Variants in ATP13A5 observed in about 807,000 individuals in gnomAD.
ATP13A5 encodes ATPase 13A5.
In ATP13A5, 149 loss-of-function variants were observed where a neutral mutation model predicts 150.2. The ratio of observed to expected loss-of-function variants is 0.99; its 90% CI spans 0.87 to 1.14. The LOEUF (loss-of-function observed/expected upper bound fraction) is 1.14, where lower values mean the gene tolerates loss of function less well. ATP13A5 is among the 50% of genes most tolerant of loss of function. ATP13A5 has a pLI of 0.00. For missense variants in ATP13A5, 1,383 were observed against 1,449.3 expected (o/e 0.95, Z 0.74); for synonymous variants, 497 against 522.2 (o/e 0.95, Z 0.66).
Position 193,324,928 on chromosome 3 carries a change from A to T in ATP13A5, c.1610T>A (p.Ile537Asn), listed in dbSNP as rs1400723677. Residue 537 changes from isoleucine (I) to asparagine (N), a missense_variant, in exon 14 of 30, where the codon ATC (isoleucine) becomes AAC (asparagine). By Grantham distance (149) the Ile-to-Asn change is moderately radical (BLOSUM62 -3). Around this residue, in one of 3 missense-constraint regions of ATP13A5, gnomAD observed 787 missense variants for 771.9 expected, o/e 1.02. Transcript: ENST00000342358. ...TCCCTGGATGGTCCCATTGAGAAGG[A>T]TCAGAGAGTGGCAGCTGGCCATGGC... is the stretch of plus-strand genomic sequence containing the variant. ...CAAMASCHSL[I>N]LLNGTIQGDP... is the part of the protein sequence containing the mutation. 2.5e-6 allele frequency: 4 copies of T among 1,614,154 alleles called. No individual in the cohort carries two copies. Among genetic ancestry groups the T allele is most frequent in the South Asian group, 1.1e-5 (1 of 91,082 alleles).
At chr3:193,357,151 G>T (rs940402207) in intron 5 of ATP13A5, among the ~76,000 whole-genome samples, 5 of 152,152 alleles carry the variant, frequency 3.3e-5, no homozygotes, top group African/African-American at 1.2e-4. Context: ...TAAAAATCTA[G>T]CACTAGGGGC....
At chr3:193,339,307 G>T (rs900797473) in intron 9 of ATP13A5, among the ~76,000 whole-genome samples, 1 of 152,068 alleles carries the variant, frequency 6.6e-6, no homozygotes, top group African/African-American at 2.4e-5. Context: ...TGCTTCTGTA[G>T]TTCTTTTAAT....
At chr3:193,279,839 G>A (rs1717400431) in intron 27 of ATP13A5, among the ~76,000 whole-genome samples, 1 of 151,868 alleles carries the variant, frequency 6.6e-6, no homozygotes, top group African/African-American at 2.4e-5. Context: ...GACATTCAAG[G>A]CCTTCCACAA....
intron 5 of ATP13A5, among the ~76,000 whole-genome samples, chr3:193,356,731 T>C (rs931663462): frequency 3.3e-5 from 5 of 152,238 alleles, no homozygotes; most frequent in African/African-American, 1.2e-4. Flanking sequence ...GCAACAGCAC[T>C]TACATCATTA....
intron 25 of ATP13A5, among the ~76,000 whole-genome samples, chr3:193,294,009 C>G (rs1449173301): frequency 6.6e-6 from 1 of 152,166 alleles, no homozygotes; most frequent in Non-Finnish European, 1.5e-5. Flanking sequence ...GGCATCTAAC[C>G]CACGTCAGGT....
At chr3:193,373,414 G>A (rs1713522653) in intron 1 of ATP13A5, among the ~76,000 whole-genome samples, 1 of 151,608 alleles carries the variant, frequency 6.6e-6, no homozygotes, top group Non-Finnish European at 1.5e-5. Flanking sequence ...AAAGTGCTGG[G>A]ATTACAGGCG....
intron 27 of ATP13A5, among the ~76,000 whole-genome samples, chr3:193,280,475 C>T (rs1027679451): frequency 6.6e-6 from 1 of 152,198 alleles, no homozygotes; most frequent in Admixed American, 6.5e-5. Context: ...CATGTATCAA[C>T]TGGACTGTGA....
intron 7 of ATP13A5, among the ~76,000 whole-genome samples, chr3:193,347,870 T>C (rs569049906): frequency 6.6e-6 from 1 of 152,300 alleles, no homozygotes; most frequent in African/African-American, 2.4e-5. Flanking sequence ...TCTCTCCACC[T>C]GTGTGAGTGT....
chr3:193,287,646 C>T (rs930321856), intron 26 of ATP13A5, among the ~76,000 whole-genome samples: 1 of 152,118 alleles, frequency 6.6e-6, no homozygotes, highest in Admixed American at 6.6e-5. Flanking sequence ...CCCCTGGTCA[C>T]CCTTCAAGAG....
Position 193,322,593 on chromosome 3 carries a change from A to G in ATP13A5, c.1675-19T>C. The stretch of plus-strand genomic sequence containing the variant: ...CCATTTTCTGTTATAAAATGAAAAC[A>G]TTCATAAGATTCTTTGAATAAAAAT... On this transcript the variant is annotated intron_variant, in intron 14 of 29. Transcript: ENST00000342358. The G allele has an allele frequency of 6.7e-7, 1 of 1,489,222 alleles. No homozygotes were observed. The highest frequency in any genetic ancestry group is 9.3e-7 in the Non-Finnish European group (1 of 1,070,848). 92.3% of individuals were successfully genotyped at this position (1,489,222 alleles called of 1,614,324 possible).
Position 193,315,038 on chromosome 3 carries a change from T to C in ATP13A5, c.2092A>G (p.Lys698Glu). The change falls in exon 18 of 30, where the codon AAA becomes GAA. Residue 698 changes from lysine to glutamate, a missense_variant. Physicochemically the swap from Lys to Glu is moderately conservative, Grantham distance 56 (BLOSUM62 1). This residue lies in a region of ATP13A5 where 568 missense variants were observed against 621.5 expected (regional missense o/e 0.91). Transcript: ENST00000342358. ...LGLLIMENRL[K>E]KETKLVLKEL... ...TTCAAGACCAGTTTGGTTTCTTTTT[T>C]CAAGCGATTCTCCATGATGAGAAGT... The C allele has an allele frequency of 6.2e-7, 1 of 1,613,918 alleles. No homozygotes were observed. Among genetic ancestry groups the C allele is most frequent in the Non-Finnish European group, 8.5e-7 (1 of 1,179,860 alleles).
In ATP13A5 at chr3:193,368,902, C is replaced by T. The variant is rs28775917; in HGVS notation, c.64-4622G>A. ...CTCAAGTAGGCAAATGTTTCTTAAA[C>T]AGAAAATAAAAAGAAAGACAAAACA... On this transcript the variant is annotated intron_variant, in intron 1 of 29. Transcript: ENST00000342358. Among the ~76,000 whole-genome samples, 230 of 152,204 alleles carry T rather than the reference C, an allele frequency of 1.5e-3. 1 individual carries two copies. Among genetic ancestry groups the T allele is most frequent in the African/African-American group, 5.3e-3 (221 of 41,536 alleles).
intron 3 of ATP13A5, 120 bp from the exon 4 acceptor site, chr3:193,362,757 CTTTCTTTCTT>C: frequency 1.0e-5 from 1 of 95,976 alleles, no homozygotes. Flanking sequence ...TTCCTTCTTT[CTTTCTTTCTT>C]TCTTTCTTTC....
At chr3:193,316,332 T>C (rs1445813053) in intron 17 of ATP13A5, among the ~76,000 whole-genome samples, 1 of 152,098 alleles carries the variant, frequency 6.6e-6, no homozygotes, top group African/African-American at 2.4e-5. Flanking sequence ...TACTCAGAAG[T>C]GGGATTTTGG....
chr3:193,310,540 A>T, intron 21 of ATP13A5, 98 bp downstream of exon 21: 2 of 905,616 alleles, frequency 2.2e-6, no homozygotes, highest in South Asian at 1.8e-5. Context: ...GTTATTTTTG[A>T]CTTTTTAATA....
rs1717887548 is a variant in ATP13A5 at position 193,290,056 on chromosome 3, C to G, written c.2852G>C (p.Ser951Thr). 2 of 1,597,910 alleles carry G rather than the reference C, an allele frequency of 1.3e-6. No homozygotes were observed. The highest frequency in any genetic ancestry group is 2.7e-5 in the African/African-American group (2 of 73,732). Reference sequence around the variant, plus strand: ...CAGCTTTGGGTAGGCATGAGTTGAACTCACTGAAAGACAAATACATTTTTT... The same window carrying G: ...CAGCTTTGGGTAGGCATGAGTTGAAGTCACTGAAAGACAAATACATTTTTT... ...AITLMVCLTM[S>T]STHAYPKLAP... Residue 951 changes from serine to threonine, a missense_variant, in exon 26 of 30, where the codon AGT (serine) becomes ACT (threonine). By Grantham distance (58) the Ser-to-Thr change is moderately conservative. Coordinates refer to ENST00000342358, the MANE Select transcript of ATP13A5 (RefSeq NM_198505.4).
At chr3:193,304,522 A>C (rs993933881) in intron 23 of ATP13A5, among the ~76,000 whole-genome samples, 1 of 152,184 alleles carries the variant, frequency 6.6e-6, no homozygotes, top group African/African-American at 2.4e-5. Flanking sequence ...GAATCTCAAA[A>C]TCTGGTGATG....
intron 17 of ATP13A5, among the ~76,000 whole-genome samples, chr3:193,318,395 C>T (rs556463062): frequency 1.3e-5 from 2 of 152,158 alleles, no homozygotes; most frequent in South Asian, 2.1e-4. Flanking sequence ...AACTGAAGAA[C>T]GTTGAAAGAA....
chr3:193,300,697 T>A (rs1251711275), intron 24 of ATP13A5, among the ~76,000 whole-genome samples: 1 of 152,200 alleles, frequency 6.6e-6, no homozygotes, highest in African/African-American at 2.4e-5. Context: ...ATTTTGAGTC[T>A]TTTTTAGTTT....
Sources: allele counts gnomAD v4.1 joint callset (sites outside exome capture counted in the v4.1 genomes callset), GRCh38; gene constraint gnomAD v4.1.1; regional missense constraint gnomAD v4.1.1; transcripts MANE v1.5; gene names NCBI Gene and HGNC (gene_info 2026-07-23, HGNC 2026-07-21).